PCDH11X: variants seen among roughly 807,000 people sequenced by gnomAD.
The protein encoded by PCDH11X is protocadherin 11 X-linked.
Under a neutral mutation model 53.3 loss-of-function variants are expected in PCDH11X, and 18 were observed. The observed-to-expected ratio is 0.34, with a 90% CI of 0.23 to 0.50. The LOEUF (loss-of-function observed/expected upper bound fraction) is 0.50, where lower values mean the gene tolerates loss of function less well. Among genes scored for constraint, PCDH11X ranks in the 20% least tolerant of loss-of-function variants. PCDH11X has a pLI of 0.98. For missense variants in PCDH11X, 570 were observed against 1,032.4 expected (o/e 0.55, Z 6.14); for synonymous variants, 279 against 393.3 (o/e 0.71, Z 3.44).
At chrX:92,552,650 T>A (rs1217499350) in intron 10 of PCDH11X, among the ~76,000 whole-genome samples, 2 of 110,724 alleles carry the variant, frequency 1.8e-5, no homozygotes, top group African/African-American at 6.6e-5. Context: ...CCCCATTCAG[T>A]ATTATACTTG....
intron 9 of PCDH11X, among the ~76,000 whole-genome samples, chrX:92,394,135 C>T (rs1194254094): frequency 9.0e-6 from 1 of 111,070 alleles, no homozygotes; most frequent in Non-Finnish European, 1.9e-5. Context: ...AAGCTTTATG[C>T]TAGAGATAAT....
intron 6 of PCDH11X, among the ~76,000 whole-genome samples, chrX:91,999,848 A>G (rs1200001126): frequency 9.0e-6 from 1 of 111,579 alleles, no homozygotes; most frequent in Non-Finnish European, 1.9e-5. Context: ...TCCTTGGATT[A>G]AGGCTACATG....
chrX:91,812,482 T>G (rs921372177), intron 4 of PCDH11X, among the ~76,000 whole-genome samples: 1 of 110,888 alleles, frequency 9.0e-6, no homozygotes, highest in Non-Finnish European at 1.9e-5. Flanking sequence ...TCCTTCAAGT[T>G]TTCCGTTCAT....
intron 7 of PCDH11X, among the ~76,000 whole-genome samples, chrX:92,253,519 C>G (rs1215853911): frequency 9.0e-6 from 1 of 111,701 alleles, no homozygotes; most frequent in African/African-American, 3.3e-5. Flanking sequence ...AATCTGTAGA[C>G]TGCTGTGAAT....
intron 6 of PCDH11X, among the ~76,000 whole-genome samples, chrX:92,051,915 A>G (rs939339213): frequency 5.5e-5 from 6 of 109,180 alleles, no homozygotes; most frequent in African/African-American, 2.0e-4. Flanking sequence ...TCATACAAAT[A>G]GTTTTTGAAA....
intron 6 of PCDH11X, among the ~76,000 whole-genome samples, chrX:92,111,318 A>C (rs1382822137): frequency 9.5e-6 from 1 of 104,757 alleles, no homozygotes; most frequent in Non-Finnish European, 1.9e-5. Context: ...GTAGTTTTTT[A>C]CAAGTCTGTC....
chrX:92,516,584 T>C (rs1036532160), intron 10 of PCDH11X, among the ~76,000 whole-genome samples: 1 of 112,370 alleles, frequency 8.9e-6, no homozygotes, highest in Non-Finnish European at 1.9e-5. Flanking sequence ...GGAAAAAAGA[T>C]TACTGAATCA....
intron 1 of PCDH11X, among the ~76,000 whole-genome samples, chrX:91,807,478 G>C (rs1199517595): frequency 1.8e-5 from 2 of 111,352 alleles, no homozygotes; most frequent in East Asian, 5.6e-4. Context: ...GTCTGTGAGG[G>C]GGAGAGAGAG....
chrX:92,010,743 T>A (rs1275685008), intron 6 of PCDH11X, among the ~76,000 whole-genome samples: 3 of 110,110 alleles, frequency 2.7e-5, no homozygotes, highest in Non-Finnish European at 5.7e-5. Context: ...TTCTGACTTT[T>A]AGGTTCAGGG....
chrX:91,802,144 C>T (rs763121003), intron 1 of PCDH11X, among the ~76,000 whole-genome samples: 80 of 113,215 alleles, frequency 7.1e-4, no homozygotes, highest in Middle Eastern at 4.7e-3. Flanking sequence ...ACATGTCTAT[C>T]TAAGTTGTTG....
At chrX:92,134,539 G>C (rs1424216836) in intron 6 of PCDH11X, among the ~76,000 whole-genome samples, 2 of 111,128 alleles carry the variant, frequency 1.8e-5, no homozygotes, top group Non-Finnish European at 3.8e-5. Context: ...AAGGGGTCTC[G>C]ATCCAGACCT....
At chrX:91,941,199 C>T (rs1433357198) in intron 6 of PCDH11X, among the ~76,000 whole-genome samples, 1 of 110,873 alleles carries the variant, frequency 9.0e-6, no homozygotes, top group Non-Finnish European at 1.9e-5. Context: ...ACGGGAAAGA[C>T]ATAGGACAAA....
intron 7 of PCDH11X, among the ~76,000 whole-genome samples, chrX:92,260,762 A>G (rs2067698922): frequency 8.9e-6 from 1 of 111,736 alleles, no homozygotes; most frequent in African/African-American, 3.3e-5. Flanking sequence ...CTGTCAATCT[A>G]GAAATTTAGA....
intron 6 of PCDH11X, among the ~76,000 whole-genome samples, chrX:91,987,374 A>G (rs1249767483): frequency 8.9e-6 from 1 of 111,740 alleles, no homozygotes; most frequent in Admixed American, 9.5e-5. Context: ...GAGCCACCAC[A>G]CTCGACCCAG....
intron 8 of PCDH11X, among the ~76,000 whole-genome samples, chrX:92,292,221 GA>G (rs960691132): frequency 2.7e-4 from 30 of 109,572 alleles, no homozygotes; most frequent in Non-Finnish European, 3.2e-4. Flanking sequence ...GTCTGCTGCA[GA>G]AAAAAAAATT....
At chrX:91,973,226 G>A (rs865901008) in intron 6 of PCDH11X, among the ~76,000 whole-genome samples, 2,086 of 95,143 alleles carry the variant, frequency 0.022, 56 homozygotes, top group African/African-American at 0.076. Context: ...CTCATAGGTG[G>A]GAATTGAACA....
chrX:92,256,883 A>G (rs185245342), intron 7 of PCDH11X, among the ~76,000 whole-genome samples: 2 of 111,392 alleles, frequency 1.8e-5, no homozygotes, highest in East Asian at 5.7e-4. Context: ...CCTGAAAAGG[A>G]CATGATCTCA....
chrX:92,261,975 C>A (rs772648554), intron 7 of PCDH11X, among the ~76,000 whole-genome samples: 1 of 111,285 alleles, frequency 9.0e-6, no homozygotes, highest in Non-Finnish European at 1.9e-5. Flanking sequence ...CTTGGGCTAA[C>A]AACACTCGAA....
At chrX:92,295,321 G>GAT (rs1286379450) in intron 8 of PCDH11X, among the ~76,000 whole-genome samples, 2 of 109,777 alleles carry the variant, frequency 1.8e-5, no homozygotes, top group African/African-American at 6.6e-5. Flanking sequence ...TAATATAGTT[G>GAT]ATTTTTCTAT....
Sources: allele counts gnomAD v4.1 joint callset (sites outside exome capture counted in the v4.1 genomes callset), GRCh38; gene constraint gnomAD v4.1.1; transcripts MANE v1.5; gene names NCBI Gene and HGNC (gene_info 2026-07-23, HGNC 2026-07-21).